The following FLVCR2 variants were observed in gnomAD, a reference collection of about 807,000 sequenced individuals.
FLVCR2 encodes the protein choline/ethanolamine transporter FLVCR2.
Under a neutral mutation model 48.9 loss-of-function variants are expected in FLVCR2, and 38 were observed. That is an observed-to-expected ratio of 0.78 (90% confidence interval 0.60 to 1.02). The LOEUF (loss-of-function observed/expected upper bound fraction) is 1.02. Ranked by LOEUF, FLVCR2 falls within the 50% of genes least tolerant of loss-of-function variation. FLVCR2 has a pLI of 0.00. For missense variants in FLVCR2, 664 were observed against 663.3 expected, an observed-to-expected ratio of 1.00 and a Z score of -0.01; for synonymous variants, 255 against 257.0, an observed-to-expected ratio of 0.99 and a Z score of 0.07.
At chr14:75,595,879 G>A (rs567152055) in intron 1 of FLVCR2, 39 of 1,059,090 alleles carry the variant, frequency 3.7e-5, no homozygotes, top group South Asian at 1.4e-4. Context: ...CTGTTCTTGC[G>A]TTCCTCTCAT....
rs1271239230 is a variant in FLVCR2 at position 75,647,963 on chromosome 14, C to G, written c.*1491C>G. ...GTATGTAATAGAAGAAAGAAGTCCA[C>G]GTTTTCGGCAGAAGTAGTGAGTCAG... On this transcript the variant is annotated 3_prime_UTR_variant, in exon 10 of 10. Transcript: ENST00000238667. 1.3e-5 allele frequency: 2 copies of G among 152,794 alleles called. No individual in the cohort carries two copies. Among genetic ancestry groups the G allele is most frequent in the African/African-American group, 4.8e-5 (2 of 41,382 alleles). 9.5% of individuals were successfully genotyped at this position (152,794 alleles called of 1,614,324 possible). A position where few individuals can be genotyped will look rare whatever the true frequency, so the allele number is the denominator to read the frequency against.
intron 1 of FLVCR2, among the ~76,000 whole-genome samples, chr14:75,604,737 CT>C (rs1459822564): frequency 6.6e-6 from 1 of 152,102 alleles, no homozygotes; most frequent in Non-Finnish European, 1.5e-5. Flanking sequence ...AGCAGGGCAG[CT>C]TCCTTAAGGT....
At chr14:75,598,741 G>A (rs1432585725) in intron 1 of FLVCR2, among the ~76,000 whole-genome samples, 1 of 152,258 alleles carries the variant, frequency 6.6e-6, no homozygotes, top group African/African-American at 2.4e-5. Flanking sequence ...CTCCCACAGG[G>A]CTGGGATTAC....
intron 3 of FLVCR2, chr14:75,632,773 G>A (rs1435712034): frequency 1.4e-6 from 1 of 702,238 alleles, no homozygotes; most frequent in South Asian, 1.5e-5. Context: ...GGGCATTATG[G>A]AGTGGCAGTA....
intron 1 of FLVCR2, among the ~76,000 whole-genome samples, chr14:75,594,733 T>G (rs945503233): frequency 2.5e-4 from 38 of 152,134 alleles, no homozygotes; most frequent in African/African-American, 9.2e-4. Flanking sequence ...TTTTTTTTTT[T>G]TTTAAGAGAC....
intron 1 of FLVCR2, among the ~76,000 whole-genome samples, chr14:75,618,980 T>C (rs1889689956): frequency 6.6e-6 from 1 of 151,972 alleles, no homozygotes; most frequent in African/African-American, 2.4e-5. Context: ...TCCCAGCGCT[T>C]TGGGAGGCCG....
At chr14:75,629,688 A>G (rs183887826) in intron 3 of FLVCR2, among the ~76,000 whole-genome samples, 35 of 152,332 alleles carry the variant, frequency 2.3e-4, no homozygotes, top group Admixed American at 1.4e-3. Flanking sequence ...TCTTATTATC[A>G]ATGGCATAAC....
intron 1 of FLVCR2, among the ~76,000 whole-genome samples, chr14:75,606,549 A>G (rs181772615): frequency 2.0e-5 from 3 of 152,344 alleles, no homozygotes; most frequent in African/African-American, 4.8e-5. Context: ...CCTAGGGTAC[A>G]TAGGGGAAGC....
chr14:75,615,796 G>T (rs1566790425), intron 1 of FLVCR2, among the ~76,000 whole-genome samples: 1 of 150,516 alleles, frequency 6.6e-6, no homozygotes, highest in Non-Finnish European at 1.5e-5. Context: ...GAGGCGGGCG[G>T]ATCACAAGGT....
chr14:75,605,581 A>G, intron 1 of FLVCR2: 2 of 1,536,122 alleles, frequency 1.3e-6, no homozygotes, highest in East Asian at 2.4e-5. Context: ...ATGAGCGCAG[A>G]TAACAGCAGC....
At chr14:75,638,397 A>C (rs1890220951) in intron 5 of FLVCR2, among the ~76,000 whole-genome samples, 1 of 152,164 alleles carries the variant, frequency 6.6e-6, no homozygotes, top group South Asian at 2.1e-4. Context: ...AGATCACGCC[A>C]CTGCACCCCA....
chr14:75,584,458 G>A (rs1317971670), intron 1 of FLVCR2, among the ~76,000 whole-genome samples: 4 of 152,204 alleles, frequency 2.6e-5, no homozygotes, highest in East Asian at 1.9e-4. Flanking sequence ...GCGGTAAAGC[G>A]TCTAAGGGTT....
At chr14:75,621,878 G>A (rs1316787158) in intron 1 of FLVCR2, among the ~76,000 whole-genome samples, 1 of 152,226 alleles carries the variant, frequency 6.6e-6, no homozygotes, top group Non-Finnish European at 1.5e-5. Flanking sequence ...GATAGTGAGG[G>A]TGGTCAGAAG....
chr14:75,636,506 T>C (rs1890170396), intron 5 of FLVCR2, among the ~76,000 whole-genome samples: 1 of 152,148 alleles, frequency 6.6e-6, no homozygotes, highest in Admixed American at 6.5e-5. Flanking sequence ...GGGATGGGAA[T>C]GCTGGCTGGG....
intron 1 of FLVCR2, among the ~76,000 whole-genome samples, chr14:75,586,698 T>C (rs1384820105): frequency 3.3e-5 from 5 of 152,098 alleles, no homozygotes; most frequent in Admixed American, 3.3e-4. Flanking sequence ...ACCATAACGC[T>C]TGTACTCCGG....
intron 6 of FLVCR2, 171 bp from the exon 7 acceptor site, chr14:75,640,783 GC>G: frequency 1.5e-6 from 1 of 662,798 alleles, no homozygotes; most frequent in Non-Finnish European, 2.7e-6. Flanking sequence ...CTTCAGGGGT[GC>G]CCGTCTCCTT....
intron 3 of FLVCR2, chr14:75,632,520 C>T (rs762153825): frequency 3.0e-5 from 20 of 661,058 alleles, no homozygotes; most frequent in Non-Finnish European, 4.9e-5. Context: ...AGCATTAAGC[C>T]AGGGTGGTTG....
In FLVCR2 at chr14:75,602,535, T is replaced by G. The variant is rs949523456; in HGVS notation, c.670-19544T>G. Reference sequence around the variant, plus strand: ...CCCTTAGGAAATGATGAGATATTCCTATCACTCAGGAAATCCCAAGGATTT... The same window carrying G: ...CCCTTAGGAAATGATGAGATATTCCGATCACTCAGGAAATCCCAAGGATTT... On this transcript the variant is annotated intron_variant, in intron 1 of 9. Transcript: ENST00000238667. Among the ~76,000 whole-genome samples, 5 of 152,110 alleles carry G rather than the reference T, an allele frequency of 3.3e-5. No individual in the cohort carries two copies. The East Asian group carries it at 9.6e-4, about 29-fold the overall frequency.
intron 3 of FLVCR2, among the ~76,000 whole-genome samples, chr14:75,628,647 T>C (rs1889965267): frequency 6.6e-6 from 1 of 152,182 alleles, no homozygotes; most frequent in African/African-American, 2.4e-5. Context: ...TTAAGAGCCT[T>C]GAGTGCTGGA....
Sources: gnomAD v4.1 joint callset for allele counts (sites outside exome capture counted in the v4.1 genomes callset) on GRCh38, gnomAD v4.1.1 for gene constraint, MANE v1.5 for transcripts, NCBI Gene and HGNC (gene_info 2026-07-23, HGNC 2026-07-21) for gene names.